Variants in TRAPPC3L observed in about 807,000 individuals in gnomAD.
The protein encoded by TRAPPC3L is trafficking protein particle complex subunit 3-like protein.
Under a neutral mutation model 23.7 loss-of-function variants are expected in TRAPPC3L, and 23 were observed. That is an observed-to-expected ratio of 0.97 (90% confidence interval 0.70 to 1.37). TRAPPC3L has a LOEUF of 1.37. Among genes scored for constraint, TRAPPC3L ranks in the 40% most tolerant of loss-of-function variants. The pLI, the probability that TRAPPC3L is intolerant of heterozygous loss-of-function variation, is 0.00. For synonymous variants in TRAPPC3L, 81 were observed against 77.9 expected, an observed-to-expected ratio of 1.04 and a Z score of -0.21; for missense variants, 212 against 216.8, an observed-to-expected ratio of 0.98 and a Z score of 0.14.
intron 3 of TRAPPC3L, among the ~76,000 whole-genome samples, chr6:116,530,484 T>C (rs902019817): frequency 1.1e-4 from 16 of 152,188 alleles, no homozygotes; most frequent in Non-Finnish European, 1.8e-4. Flanking sequence ...GGTTCCTTTA[T>C]AAGAAGTTCA....
At chr6:116,542,375 T>G (rs1014108075) in intron 2 of TRAPPC3L, among the ~76,000 whole-genome samples, 1 of 152,092 alleles carries the variant, frequency 6.6e-6, no homozygotes, top group Non-Finnish European at 1.5e-5. Context: ...AGAAGAAAAA[T>G]GAGAGTTTTT....
At chr6:116,504,107 G>A (rs1771965380) in intron 3 of TRAPPC3L, among the ~76,000 whole-genome samples, 1 of 151,950 alleles carries the variant, frequency 6.6e-6, no homozygotes, top group East Asian at 1.9e-4. Flanking sequence ...TTTTTGAAAA[G>A]ATCAACAAAA....
chr6:116,506,720 T>C (rs1772013199), intron 3 of TRAPPC3L, among the ~76,000 whole-genome samples: 2 of 151,916 alleles, frequency 1.3e-5, no homozygotes, highest in Admixed American at 6.6e-5. Context: ...TGCAGGGACA[T>C]GGATGAAGCT....
chr6:116,542,458 G>T (rs1272722475), intron 2 of TRAPPC3L, among the ~76,000 whole-genome samples: 1 of 152,030 alleles, frequency 6.6e-6, no homozygotes, highest in Non-Finnish European at 1.5e-5. Flanking sequence ...CTTTTAAAAA[G>T]CTCTAAAATG....
intron 3 of TRAPPC3L, among the ~76,000 whole-genome samples, chr6:116,510,653 T>C (rs1772097321): frequency 6.6e-6 from 1 of 151,892 alleles, no homozygotes; most frequent in South Asian, 2.1e-4. Flanking sequence ...GCAATCCCAC[T>C]ACTGGGTATC....
intron 3 of TRAPPC3L, among the ~76,000 whole-genome samples, chr6:116,536,727 G>A (rs944559600): frequency 3.3e-5 from 5 of 152,188 alleles, no homozygotes; most frequent in African/African-American, 1.2e-4. Context: ...CGGTAGAAGT[G>A]TGTGGTCTGA....
chr6:116,497,793 G>T (rs187333605), intron 4 of TRAPPC3L, among the ~76,000 whole-genome samples: 3 of 151,970 alleles, frequency 2.0e-5, no homozygotes, highest in Admixed American at 2.0e-4. Flanking sequence ...TGATTTATTG[G>T]GAAAAATAAG....
chr6:116,515,909 G>A, intron 3 of TRAPPC3L: 1 of 1,613,874 alleles, frequency 6.2e-7, no homozygotes, highest in Non-Finnish European at 8.5e-7. Context: ...CCTCCACAGA[G>A]TGGTGGACAA....
intron 2 of TRAPPC3L, among the ~76,000 whole-genome samples, chr6:116,542,762 G>A (rs1773540741): frequency 6.6e-6 from 1 of 152,156 alleles, no homozygotes; most frequent in African/African-American, 2.4e-5. Flanking sequence ...GAAAAGCATA[G>A]TAATGATTAA....
intron 3 of TRAPPC3L, chr6:116,511,736 C>A: frequency 1.2e-6 from 2 of 1,613,892 alleles, no homozygotes; most frequent in East Asian, 2.2e-5. Context: ...CTTCCTTAAT[C>A]AGAAAACTGT....
chr6:116,508,203 T>C (rs774339438), intron 3 of TRAPPC3L, among the ~76,000 whole-genome samples: 7 of 152,190 alleles, frequency 4.6e-5, no homozygotes, highest in Non-Finnish European at 8.8e-5. Context: ...TCTTGAGCAC[T>C]GCCAGTCTGG....
At chr6:116,537,142 A>G (rs1369714198) in intron 3 of TRAPPC3L, among the ~76,000 whole-genome samples, 1 of 152,206 alleles carries the variant, frequency 6.6e-6, no homozygotes, top group African/African-American at 2.4e-5. Context: ...CAGTTGTCTT[A>G]CACTAGAGAA....
chr6:116,524,284 G>A (rs1163759694), intron 3 of TRAPPC3L: 1 of 152,142 alleles, frequency 6.6e-6, no homozygotes, highest in Non-Finnish European at 1.5e-5. Context: ...CTTTACATTT[G>A]TATATGTTTG....
At chr6:116,504,709 A>G (rs138633377) in intron 3 of TRAPPC3L, among the ~76,000 whole-genome samples, 16 of 152,278 alleles carry the variant, frequency 1.1e-4, no homozygotes, top group Non-Finnish European at 2.1e-4. Context: ...CATCCCTGGG[A>G]TGCAAGGCTG....
chr6:116,498,345 T>C lies in TRAPPC3L; in HGVS notation c.427-1272A>G, dbSNP rs571006114. Among the ~76,000 whole-genome samples, 4 of 152,282 alleles carry C rather than the reference T, an allele frequency of 2.6e-5. No homozygotes were observed. The East Asian group carries it at 7.7e-4, about 29-fold the overall frequency. On this transcript the variant is annotated intron_variant, in intron 4 of 4. Coordinates refer to ENST00000368602, the MANE Select transcript of TRAPPC3L (RefSeq NM_001139444.3). The stretch of plus-strand genomic sequence containing the variant: ...TCATGGCCACCGACTACAGGACAAG[T>C]CTAAAAAGATGCTAGGGTAGACGCA...
intron 3 of TRAPPC3L, among the ~76,000 whole-genome samples, chr6:116,507,349 A>C (rs1293620015): frequency 6.6e-6 from 1 of 152,094 alleles, no homozygotes; most frequent in African/African-American, 2.4e-5. Flanking sequence ...GTGAAGGGAA[A>C]AATTTTGGAG....
At chr6:116,503,423 A>G (rs911422072) in intron 3 of TRAPPC3L, among the ~76,000 whole-genome samples, 7 of 152,174 alleles carry the variant, frequency 4.6e-5, no homozygotes, top group Non-Finnish European at 1.0e-4. Flanking sequence ...CACAATAATA[A>G]TGGAAGACTT....
chr6:116,499,779 G>T (rs1272527610), intron 4 of TRAPPC3L, among the ~76,000 whole-genome samples: 2 of 152,156 alleles, frequency 1.3e-5, no homozygotes, highest in African/African-American at 4.8e-5. Context: ...AAGTCTACAA[G>T]TTTTTCCTGC....
At chr6:116,516,194 C>A in intron 3 of TRAPPC3L, 2 of 562,982 alleles carry the variant, frequency 3.6e-6, no homozygotes, top group Non-Finnish European at 5.6e-6. Context: ...GACAAAGGTG[C>A]TCTTGCATTG....
Sources: gnomAD v4.1 joint callset for allele counts (sites outside exome capture counted in the v4.1 genomes callset) on GRCh38, gnomAD v4.1.1 for gene constraint, MANE v1.5 for transcripts, NCBI Gene and HGNC (gene_info 2026-07-23, HGNC 2026-07-21) for gene names.